MEI1: variants seen among roughly 807,000 people sequenced by gnomAD.
MEI1 encodes meiosis inhibitor protein 1.
MEI1 carries 103 observed loss-of-function variants against 146.2 expected under a neutral mutation model. The ratio of observed to expected loss-of-function variants is 0.70; its 90% CI spans 0.60 to 0.83. The LOEUF (loss-of-function observed/expected upper bound fraction) is 0.83, where lower values mean the gene tolerates loss of function less well. MEI1 is among the 40% of genes least tolerant of loss of function. The pLI is 0.00. For missense variants in MEI1, 1,529 were observed against 1,533.0 expected (o/e 1.00, Z 0.04); for synonymous variants, 652 against 628.2 (o/e 1.04, Z -0.57).
At chr22:41,701,402 G>A (rs2147188187) in intron 1 of MEI1, among the ~76,000 whole-genome samples, 1 of 152,156 alleles carries the variant, frequency 6.6e-6, no homozygotes, top group Non-Finnish European at 1.5e-5. Context: ...AGGCCGAGGT[G>A]GTTGGATCAC....
At chr22:41,715,982 T>C in intron 4 of MEI1, 59 bp from the exon 5 acceptor site, 1 of 1,249,204 alleles carries the variant, frequency 8.0e-7, no homozygotes, top group Non-Finnish European at 1.1e-6. Context: ...AAGATCAGTT[T>C]TGGTGGAAGA....
chr22:41,785,417 C>T (rs1476304410), intron 26 of MEI1, among the ~76,000 whole-genome samples: 2 of 151,486 alleles, frequency 1.3e-5, no homozygotes, highest in African/African-American at 4.9e-5. Flanking sequence ...CAGCCACCAC[C>T]ACGCCCGGCT....
intron 30 of MEI1, among the ~76,000 whole-genome samples, chr22:41,797,737 G>GA (rs1338434353): frequency 6.6e-6 from 1 of 151,542 alleles, no homozygotes; most frequent in Non-Finnish European, 1.5e-5. Context: ...TACAAAATTC[G>GA]AAAAAAAATC....
chr22:41,784,861 A>AGGAGTATCAGG, intron 26 of MEI1, 78 bp downstream of exon 26: 2 of 1,210,886 alleles, frequency 1.7e-6, no homozygotes, highest in Non-Finnish European at 2.2e-6. Context: ...AGAGCCTGAT[A>AGGAGTATCAGG]CTCCTACCAG....
chr22:41,773,772 G>A (rs2075307525), intron 20 of MEI1, among the ~76,000 whole-genome samples: 1 of 152,126 alleles, frequency 6.6e-6, no homozygotes, highest in Non-Finnish European at 1.5e-5. Context: ...CCACTCAGGA[G>A]GCTGAGACAG....
rs536046293 is a variant in MEI1 at position 41,758,718 on chromosome 22, A to G, written c.2120+185A>G. ...AGTGGGTTAGAACAGGTGGGTAGACACTGTGCTGAGAGACAGAGGCCTAGA... is the reference window on the plus strand; with the variant it reads ...AGTGGGTTAGAACAGGTGGGTAGACGCTGTGCTGAGAGACAGAGGCCTAGA... On this transcript the variant is annotated intron_variant, in intron 18 of 30. Transcript: ENST00000401548. Among the ~76,000 whole-genome samples, 6 of 152,338 alleles carry G rather than the reference A, an allele frequency of 3.9e-5. No homozygotes were observed. The East Asian group carries it at 9.6e-4, about 24-fold the overall frequency.
At chr22:41,736,345 G>A (rs2072365405) in intron 11 of MEI1, among the ~76,000 whole-genome samples, 2 of 150,934 alleles carry the variant, frequency 1.3e-5, no homozygotes, top group Admixed American at 6.6e-5. Context: ...TGCCTCCCGG[G>A]TTCACGCCAT....
chr22:41,734,420 CTG>C (rs771926106), intron 11 of MEI1, among the ~76,000 whole-genome samples: 3 of 152,066 alleles, frequency 2.0e-5, no homozygotes, highest in South Asian at 2.1e-4. Context: ...TGGTGAAACC[CTG>C]TCTCTACTAA....
chr22:41,768,494 T>G (rs1216469521), intron 19 of MEI1, among the ~76,000 whole-genome samples: 1 of 152,154 alleles, frequency 6.6e-6, no homozygotes, highest in African/African-American at 2.4e-5. Flanking sequence ...GGACTTTGTG[T>G]TAGTCAGTTC....
intron 11 of MEI1, among the ~76,000 whole-genome samples, 173 bp downstream of exon 11, chr22:41,732,776 A>AT (rs767715701): frequency 0.08 from 10,676 of 133,726 alleles, 1,237 homozygotes; most frequent in African/African-American, 0.25. Context: ...GGATTGAAAA[A>AT]TTTTTTTTTT....
At position 41,730,650 on chromosome 22, in the gene MEI1, G is replaced by C. The variant is rs368271605; in HGVS notation, c.1096+13G>C. 3.1e-5 allele frequency: 49 copies of C among 1,579,234 alleles called. No individual in the cohort carries two copies. The African/African-American group carries it at 6.2e-4, about 20-fold the overall frequency. ...CACACGGTGTATGGTTGGTAGTAAG[G>C]GTCCTGTACTAGCTTTGGGTTGGGT... On this transcript the variant is annotated intron_variant, in intron 9 of 30. Transcript: ENST00000401548.
chr22:41,758,646 G>A, intron 18 of MEI1, 113 bp downstream of exon 18: 1 of 1,102,256 alleles, frequency 9.1e-7, no homozygotes, highest in Non-Finnish European at 1.3e-6. Flanking sequence ...GGGGACACGG[G>A]GATAAGTAAG....
At chr22:41,740,499 T>G (rs981657581) in intron 11 of MEI1, among the ~76,000 whole-genome samples, 9 of 152,056 alleles carry the variant, frequency 5.9e-5, no homozygotes, top group Admixed American at 2.6e-4. Context: ...CCCAGCACTT[T>G]GGGAGGCTGA....
intron 7 of MEI1, among the ~76,000 whole-genome samples, chr22:41,726,881 C>T (rs533136011): frequency 6.6e-6 from 1 of 151,668 alleles, no homozygotes; most frequent in South Asian, 2.1e-4. Context: ...TCATGCCATT[C>T]CCCTGCCTCA....
intron 17 of MEI1, among the ~76,000 whole-genome samples, chr22:41,757,702 C>G (rs1264080971): frequency 1.3e-5 from 2 of 152,086 alleles, no homozygotes; most frequent in Non-Finnish European, 2.9e-5. Context: ...TCACTCCCTC[C>G]TCAATATAGC....
At chr22:41,793,078 C>T (rs1221091858) in intron 26 of MEI1, among the ~76,000 whole-genome samples, 1 of 107,522 alleles carries the variant, frequency 9.3e-6, no homozygotes, top group Non-Finnish European at 1.7e-5. Context: ...TAGAGTCTTG[C>T]TCTGTTGCCC....
chr22:41,784,841 C>A, intron 26 of MEI1, 58 bp downstream of exon 26: 2 of 1,441,230 alleles, frequency 1.4e-6, no homozygotes, highest in South Asian at 1.5e-5. Flanking sequence ...GAAGGGGTGG[C>A]TGCCTGTCGA....
intron 22 of MEI1, 69 bp downstream of exon 22, chr22:41,778,881 G>C: frequency 9.0e-7 from 1 of 1,109,930 alleles, no homozygotes; most frequent in Non-Finnish European, 1.3e-6. Flanking sequence ...TCACTAAGTA[G>C]GCTGGTGTTC....
chr22:41,743,116 G>A lies in MEI1; in HGVS notation c.1368G>A (p.Gly456=). Residue 456 remains glycine, a synonymous_variant, in exon 12 of 31, where the codon GGG becomes GGA. Coordinates refer to ENST00000401548, the MANE Select transcript of MEI1 (RefSeq NM_152513.4). The part of the protein sequence containing the change: ...DHQSTPPVQY[G]ELQALLEAML... ...AGAGCACTCCACCTGTGCAGTATGG[G>A]GAACTGCAGGCTTTGCTAGAAGCCA... 6.2e-7 allele frequency: 1 copy of A among 1,613,216 alleles called. No individual in the cohort carries two copies. Among genetic ancestry groups the A allele is most frequent in the Middle Eastern group, 1.8e-4 (1 of 5,626 alleles).
Sources: gnomAD v4.1 joint callset for allele counts (sites outside exome capture counted in the v4.1 genomes callset) on GRCh38, gnomAD v4.1.1 for gene constraint, MANE v1.5 for transcripts, NCBI Gene and HGNC (gene_info 2026-07-23, HGNC 2026-07-21) for gene names.